FRMPD4: variants seen among roughly 807,000 people sequenced by gnomAD.
FRMPD4 encodes FERM and PDZ domain-containing protein 4.
FRMPD4 carries 22 observed loss-of-function variants against 94.1 expected under a neutral mutation model. The ratio of observed to expected loss-of-function variants is 0.23; its 90% CI spans 0.17 to 0.33. FRMPD4 has a LOEUF of 0.33. Ranked by LOEUF, FRMPD4 falls within the 10% of genes least tolerant of loss-of-function variation. FRMPD4 has a pLI of 1.00. For synonymous variants in FRMPD4, 631 were observed against 548.6 expected, an observed-to-expected ratio of 1.15 and a Z score of -2.10; for missense variants, 1,111 against 1,339.9, an observed-to-expected ratio of 0.83 and a Z score of 2.67.
At chrX:12,512,457 G>A (rs1044436528) in intron 2 of FRMPD4, among the ~76,000 whole-genome samples, 2 of 112,583 alleles carry the variant, frequency 1.8e-5, no homozygotes, top group African/African-American at 6.5e-5. Context: ...CTGCTGGTAA[G>A]TGAGAACATG....
chrX:12,530,626 G>T (rs1041566766), intron 2 of FRMPD4, among the ~76,000 whole-genome samples: 2 of 111,225 alleles, frequency 1.8e-5, no homozygotes, highest in Admixed American at 9.6e-5. Flanking sequence ...GATGTTTTAG[G>T]GCTGGAATTG....
At chrX:12,199,251 GTGTGTGTGTGTGTGTGTGTA>G (rs1270781570) in intron 1 of FRMPD4, among the ~76,000 whole-genome samples, 17 of 100,784 alleles carry the variant, frequency 1.7e-4, no homozygotes, top group African/African-American at 6.4e-4. Flanking sequence ...GTGTGTGTGT[GTGTGTGTGTGTGTGTGTGTA>G]TGTGTGTGTG....
At chrX:12,234,514 GC>G (rs2057049863) in intron 1 of FRMPD4, among the ~76,000 whole-genome samples, 1 of 111,242 alleles carries the variant, frequency 9.0e-6, no homozygotes, top group Admixed American at 9.6e-5. Flanking sequence ...CATGGCTTGA[GC>G]AGAGAGGTGC....
chrX:12,712,672 G>C (rs2042007396), intron 14 of FRMPD4, among the ~76,000 whole-genome samples: 1 of 111,856 alleles, frequency 8.9e-6, no homozygotes, highest in Admixed American at 9.4e-5. Flanking sequence ...GAAAAAGAAA[G>C]AACAAAAAAG....
chrX:12,676,644 T>C (rs1490439311), intron 5 of FRMPD4, among the ~76,000 whole-genome samples: 1 of 112,649 alleles, frequency 8.9e-6, no homozygotes, highest in Non-Finnish European at 1.9e-5. Flanking sequence ...GTTTTACATG[T>C]AAGTTTATGG....
chrX:12,600,187 G>A (rs1361951597), intron 2 of FRMPD4, among the ~76,000 whole-genome samples: 1 of 109,928 alleles, frequency 9.1e-6, no homozygotes, highest in Admixed American at 9.9e-5. Context: ...GACAAAGTAT[G>A]GCTCCAACTT....
At chrX:11,862,972 T>G (rs1286308047) in intron 1 of FRMPD4, among the ~76,000 whole-genome samples, 3 of 99,588 alleles carry the variant, frequency 3.0e-5, no homozygotes, top group South Asian at 4.5e-4. Flanking sequence ...TTTTTTTTTT[T>G]TTTTTTTTTT....
rs763238429 is a variant in FRMPD4, at chrX:12,087,539, T to C, written c.95+209521T>C. On this transcript the variant is annotated intron_variant, in intron 3 of 18. Transcript: ENST00000640291. Reference sequence around the variant, plus strand: ...TTATGTAATACTTTGGCCTCTTTTTTAGCTTCCCCTCTTTCTGGCACCAGT... The same window carrying C: ...TTATGTAATACTTTGGCCTCTTTTTCAGCTTCCCCTCTTTCTGGCACCAGT... 4.5e-5 allele frequency among the ~76,000 whole-genome samples: 5 copies of C among 111,925 alleles called. No homozygotes were observed. In the East Asian group the frequency reaches 1.4e-3, roughly 31 times the overall value.
intron 4 of FRMPD4, among the ~76,000 whole-genome samples, chrX:12,668,982 G>C (rs2059811491): frequency 9.0e-6 from 1 of 111,664 alleles, no homozygotes; most frequent in African/African-American, 3.3e-5. Flanking sequence ...ATGTAAGATG[G>C]ACCCCAATGA....
intron 1 of FRMPD4, among the ~76,000 whole-genome samples, chrX:12,263,452 G>A (rs984574191): frequency 8.9e-6 from 1 of 111,943 alleles, no homozygotes; most frequent in Admixed American, 9.5e-5. Context: ...ACCTTGTCAG[G>A]CATTTTGAGG....
At chrX:12,098,272 G>C (rs866861823) in intron 3 of FRMPD4, among the ~76,000 whole-genome samples, 1 of 102,811 alleles carries the variant, frequency 9.7e-6, no homozygotes, top group African/African-American at 3.6e-5. Context: ...GAAAGAAAAA[G>C]AAAAAAAAAA....
chrX:12,466,111 G>A (rs1467250423), intron 1 of FRMPD4, among the ~76,000 whole-genome samples: 1 of 111,534 alleles, frequency 9.0e-6, no homozygotes, highest in Non-Finnish European at 1.9e-5. Flanking sequence ...AAGAGATGAC[G>A]GCCCTAGCTG....
At chrX:12,449,560 A>G (rs1052372306) in intron 1 of FRMPD4, among the ~76,000 whole-genome samples, 3 of 112,333 alleles carry the variant, frequency 2.7e-5, no homozygotes, top group Admixed American at 9.4e-5. Flanking sequence ...TACTACTAAT[A>G]ATGATGCTTT....
intron 5 of FRMPD4, among the ~76,000 whole-genome samples, chrX:12,679,857 C>T (rs919241020): frequency 3.6e-5 from 4 of 111,352 alleles, no homozygotes; most frequent in Middle Eastern, 4.6e-3. Flanking sequence ...ATTCTCCCTT[C>T]CTGCCTGCCT....
chrX:12,440,386 T>G (rs2057121797), intron 1 of FRMPD4, among the ~76,000 whole-genome samples: 1 of 110,240 alleles, frequency 9.1e-6, no homozygotes, highest in Non-Finnish European at 1.9e-5. Context: ...TGTAAGGGAG[T>G]AGGAAGAGGA....
intron 1 of FRMPD4, among the ~76,000 whole-genome samples, chrX:12,183,493 G>A (rs2056386948): frequency 8.9e-6 from 1 of 111,743 alleles, no homozygotes; most frequent in Admixed American, 9.5e-5. Context: ...GAAAAAAGAA[G>A]TTTTGAAGCT....
intron 2 of FRMPD4, among the ~76,000 whole-genome samples, chrX:12,523,524 G>T (rs1326916486): frequency 8.9e-6 from 1 of 111,980 alleles, no homozygotes; most frequent in African/African-American, 3.2e-5. Flanking sequence ...GGAAAGCCTG[G>T]TGGTTAGGGG....
chrX:12,071,188 T>G (rs999217978), intron 3 of FRMPD4, among the ~76,000 whole-genome samples: 6 of 110,736 alleles, frequency 5.4e-5, no homozygotes, highest in African/African-American at 2.0e-4. Context: ...TTCCTCCTCC[T>G]GGCTTCGTCA....
chrX:12,248,463 T>C (rs1262372578), intron 1 of FRMPD4, among the ~76,000 whole-genome samples: 1 of 112,543 alleles, frequency 8.9e-6, no homozygotes, highest in African/African-American at 3.2e-5. Context: ...AACATGCTAA[T>C]TGATTTCTTA....
Sources: allele counts gnomAD v4.1 joint callset (sites outside exome capture counted in the v4.1 genomes callset), GRCh38; gene constraint gnomAD v4.1.1; transcripts MANE v1.5; gene names NCBI Gene and HGNC (gene_info 2026-07-23, HGNC 2026-07-21).